The following THSD7A variants were observed in gnomAD, a reference collection of about 807,000 sequenced individuals.
THSD7A encodes the protein thrombospondin type-1 domain-containing protein 7A.
In THSD7A, 96 loss-of-function variants were observed where a neutral mutation model predicts 231.3. That is an observed-to-expected ratio of 0.41 (90% confidence interval 0.35 to 0.49). THSD7A has a LOEUF of 0.49. THSD7A is among the 20% of genes least tolerant of loss of function. The pLI is 0.05. For synonymous variants in THSD7A, 940 were observed against 743.3 expected (o/e 1.26, Z -4.30); for missense variants, 2,290 against 2,070.2 (o/e 1.11, Z -2.06).
chr7:11,461,821 C>T (rs1252488254), intron 10 of THSD7A, among the ~76,000 whole-genome samples, 190 bp downstream of exon 10: 1 of 152,166 alleles, frequency 6.6e-6, no homozygotes, highest in East Asian at 1.9e-4. Context: ...TATTTGCCTT[C>T]TTGTACATCA....
chr7:11,673,002 C>T (rs946970074), intron 1 of THSD7A, among the ~76,000 whole-genome samples: 9 of 152,234 alleles, frequency 5.9e-5, no homozygotes, highest in African/African-American at 1.9e-4. Flanking sequence ...CAACTAGAAG[C>T]AGCTGGAGGA....
intron 1 of THSD7A, among the ~76,000 whole-genome samples, chr7:11,765,048 G>A (rs933140137): frequency 2.6e-5 from 4 of 151,910 alleles, no homozygotes; most frequent in African/African-American, 9.7e-5. Context: ...CATAAGAAAT[G>A]TATAAATCTT....
At chr7:11,649,484 T>G (rs895681491) in intron 1 of THSD7A, among the ~76,000 whole-genome samples, 1 of 151,992 alleles carries the variant, frequency 6.6e-6, no homozygotes, top group African/African-American at 2.4e-5. Flanking sequence ...CTGGAATAGG[T>G]ATGTTGCCAT....
chr7:11,771,762 T>A (rs907581246), intron 1 of THSD7A, among the ~76,000 whole-genome samples: 1 of 152,220 alleles, frequency 6.6e-6, no homozygotes, highest in Non-Finnish European at 1.5e-5. Flanking sequence ...TCTCCAATGC[T>A]GGAGTTGGGG....
At chr7:11,394,904 A>G (rs1783123273) in intron 23 of THSD7A, among the ~76,000 whole-genome samples, 1 of 152,242 alleles carries the variant, frequency 6.6e-6, no homozygotes, top group South Asian at 2.1e-4. Flanking sequence ...AAGAAACTGC[A>G]TCAACTAATG....
chr7:11,816,231 C>T (rs1382023692), intron 1 of THSD7A, among the ~76,000 whole-genome samples: 1 of 152,176 alleles, frequency 6.6e-6, no homozygotes, highest in African/African-American at 2.4e-5. Context: ...GTACTAAGTG[C>T]CTGCCAATTT....
intron 1 of THSD7A, among the ~76,000 whole-genome samples, chr7:11,812,680 T>C (rs1784567544): frequency 6.6e-6 from 1 of 152,214 alleles, no homozygotes; most frequent in African/African-American, 2.4e-5. Flanking sequence ...ATAATGCTAA[T>C]TTAAGTCTTG....
rs1287769625 is a variant in THSD7A, at chr7:11,411,335, G to A, written c.3683-13C>T. On this transcript the variant is annotated splice_polypyrimidine_tract_variant and intron_variant, in intron 18 of 27. Transcript: ENST00000423059. This position sits in a 1 kb window ranked among gnomAD's most constrained non-coding sequence, Gnocchi z 4.1. Reference sequence around the variant, plus strand: ...CATGTACTCCAGTCTGAAAAAAAGGGAAGCCCATCAGAACAGAAGGCTAAG... The same window carrying A: ...CATGTACTCCAGTCTGAAAAAAAGGAAAGCCCATCAGAACAGAAGGCTAAG... 6.3e-7 allele frequency: 1 copy of A among 1,581,786 alleles called. No individual in the cohort carries two copies. The highest frequency in any genetic ancestry group is 1.3e-5 in the African/African-American group (1 of 74,116).
intron 4 of THSD7A, among the ~76,000 whole-genome samples, chr7:11,574,628 G>T (rs755502362): frequency 6.6e-6 from 1 of 150,978 alleles, no homozygotes; most frequent in Non-Finnish European, 1.5e-5. Context: ...AGTAGAGATG[G>T]GATTTCACCA....
At chr7:11,491,420 C>CCT (rs1786888071) in intron 6 of THSD7A, among the ~76,000 whole-genome samples, 1 of 151,600 alleles carries the variant, frequency 6.6e-6, no homozygotes, top group Non-Finnish European at 1.5e-5. Flanking sequence ...AGTCCCCTTT[C>CCT]TCTCTGGACT....
chr7:11,460,749 A>G lies in THSD7A; in HGVS notation c.2518T>C (p.Trp840Arg). 1 of 1,612,102 alleles carries G rather than the reference A, an allele frequency of 6.2e-7. No individual in the cohort carries two copies. Among genetic ancestry groups the G allele is most frequent in the Non-Finnish European group, 8.5e-7 (1 of 1,179,164 alleles). ...CAAGGGACTAATTGGCATCTGCGCC[A>G]TTTGTGAGTCTTCCACCTACAAGAC... The part of the protein sequence containing the change: ...CQSYRWKTHK[W>R]RRCQLVPWSV... Residue 840 changes from tryptophan (W) to arginine (R), a missense_variant, in exon 11 of 28, where the codon TGG becomes CGG. Transcript: ENST00000423059.
chr7:11,498,654 C>G (rs909597907), intron 6 of THSD7A, among the ~76,000 whole-genome samples: 4 of 152,084 alleles, frequency 2.6e-5, no homozygotes, highest in African/African-American at 9.7e-5. Context: ...AAAGCAGGTC[C>G]TCATCCTATT....
intron 1 of THSD7A, among the ~76,000 whole-genome samples, chr7:11,713,757 GC>G (rs1781041820): frequency 6.6e-6 from 1 of 151,124 alleles, no homozygotes; most frequent in African/African-American, 2.4e-5. Context: ...AAATAAACAG[GC>G]ACACAGAGCT....
chr7:11,688,584 AT>A (rs1780135784), intron 1 of THSD7A, among the ~76,000 whole-genome samples: 1 of 151,856 alleles, frequency 6.6e-6, no homozygotes, highest in South Asian at 2.1e-4. Flanking sequence ...AGAGATTTAA[AT>A]AGAGACTGAA....
rs1276662232 is a variant in THSD7A at position 11,375,120 on chromosome 7, CTTGAGG to C, written c.*668_*673del. The stretch of plus-strand genomic sequence containing the variant: ...ACAATTACCACTATAAAATACTGAA[CTTGAGG>C]ACTCGTTCTTCTAAGACACTAGTAC... On this transcript the variant is annotated 3_prime_UTR_variant, in exon 28 of 28. Coordinates refer to ENST00000423059, the MANE Select transcript of THSD7A (RefSeq NM_015204.3). 5 of 151,826 alleles carry C rather than the reference CTTGAGG, an allele frequency of 3.3e-5. No individual in the cohort carries two copies. The highest frequency in any genetic ancestry group is 5.9e-5 in the Non-Finnish European group (4 of 67,928). 9.4% of individuals were successfully genotyped at this position (151,826 alleles called of 1,614,324 possible).
intron 4 of THSD7A, among the ~76,000 whole-genome samples, chr7:11,581,220 C>A (rs1009948189): frequency 6.6e-6 from 1 of 151,954 alleles, no homozygotes; most frequent in Non-Finnish European, 1.5e-5. Context: ...GTTATTACTA[C>A]TTTTTAATAG....
At chr7:11,544,541 GAAATTAAAA>G (rs2128323742) in intron 4 of THSD7A, among the ~76,000 whole-genome samples, 1 of 152,192 alleles carries the variant, frequency 6.6e-6, no homozygotes, top group African/African-American at 2.4e-5. Context: ...AGCTCACAGA[GAAATTAAAA>G]AAATTTAAAC....
rs185173338 is a variant in THSD7A at position 11,566,646 on chromosome 7, C to G, written c.1454-23529G>C. Reference sequence around the variant, plus strand: ...TATTGTCTTTGACCATAAGAATATGCAGAATAATTTTTTCAATGGTATTTT... The same window carrying G: ...TATTGTCTTTGACCATAAGAATATGGAGAATAATTTTTTCAATGGTATTTT... On this transcript the variant is annotated intron_variant, in intron 4 of 27. Transcript: ENST00000423059. Among the ~76,000 whole-genome samples, 8 of 152,176 alleles carry G rather than the reference C, an allele frequency of 5.3e-5. No homozygotes were observed. In the South Asian group the frequency reaches 6.2e-4, roughly 12 times the overall value.
rs773856802 is a variant in THSD7A, at chr7:11,543,023, T to C, written c.1548A>G (p.Ser516=). The C allele has an allele frequency of 8.1e-6, 13 of 1,613,762 alleles. No individual in the cohort carries two copies. In the Admixed American group the frequency reaches 1.7e-4, roughly 21 times the overall value. ...TACAAGGTCCCCAAGCTGACCAAGG[T>C]GAAACTTCACATTCAGTTGGACAAG... The part of the protein sequence containing the change: ...HIPCPTECEV[S]PWSAWGPCTY... Residue 516 remains serine, a synonymous_variant, in exon 5 of 28, where the codon TCA becomes TCG. Coordinates refer to ENST00000423059, the MANE Select transcript of THSD7A (RefSeq NM_015204.3).
Sources: allele counts gnomAD v4.1 joint callset (sites outside exome capture counted in the v4.1 genomes callset), GRCh38; gene constraint gnomAD v4.1.1; non-coding constraint Gnocchi (gnomAD v3.1); transcripts MANE v1.5; gene names NCBI Gene and HGNC (gene_info 2026-07-23, HGNC 2026-07-21).